PGM5: variants seen among roughly 807,000 people sequenced by gnomAD.
PGM5 encodes the protein phosphoglucomutase-like protein 5.
Under a neutral mutation model 59.2 loss-of-function variants are expected in PGM5, and 23 were observed. That is an observed-to-expected ratio of 0.39 (90% CI 0.28 to 0.55). The LOEUF is 0.55. PGM5 is among the 20% of genes least tolerant of loss of function. The pLI is 0.66. For synonymous variants in PGM5, 214 were observed against 286.0 expected, an observed-to-expected ratio of 0.75 and a Z score of 2.54; for missense variants, 574 against 748.3, an observed-to-expected ratio of 0.77 and a Z score of 2.72.
chr9:68,441,379 A>G (rs782613043), intron 6 of PGM5, among the ~76,000 whole-genome samples: 10 of 152,168 alleles, frequency 6.6e-5, no homozygotes, highest in Admixed American at 2.0e-4. Context: ...TGTAAAAATC[A>G]TTAACAAAAT....
At chr9:68,405,389 G>T (rs1822778175) in intron 6 of PGM5, 1 of 152,678 alleles carries the variant, frequency 6.5e-6, no homozygotes, top group African/African-American at 2.4e-5. Context: ...ATGGCAAAGG[G>T]GTATGATCTA....
At chr9:68,434,776 A>G (rs1823419276) in intron 6 of PGM5, among the ~76,000 whole-genome samples, 1 of 151,716 alleles carries the variant, frequency 6.6e-6, no homozygotes, top group Non-Finnish European at 1.5e-5. Flanking sequence ...AGAGACAGCA[A>G]GACTCCATCT....
chr9:68,410,470 GTTAA>G (rs1193869989), intron 6 of PGM5, among the ~76,000 whole-genome samples: 1 of 152,000 alleles, frequency 6.6e-6, no homozygotes, highest in African/African-American at 2.4e-5. Context: ...ATATTTGATC[GTTAA>G]TTTTTTTCTT....
chr9:68,393,608 T>C (rs192802075), intron 6 of PGM5, among the ~76,000 whole-genome samples: 1 of 152,126 alleles, frequency 6.6e-6, no homozygotes, highest in Non-Finnish European at 1.5e-5. Context: ...ATCAACCAGG[T>C]GTAGTGGCAT....
At chr9:68,518,165 T>C (rs1824850040) in intron 10 of PGM5, among the ~76,000 whole-genome samples, 1 of 152,216 alleles carries the variant, frequency 6.6e-6, no homozygotes, top group African/African-American at 2.4e-5. Context: ...AGATCCTGGC[T>C]TAACAATCCC....
intron 6 of PGM5, among the ~76,000 whole-genome samples, chr9:68,394,703 C>T (rs1554679819): frequency 6.6e-6 from 1 of 151,550 alleles, no homozygotes; most frequent in East Asian, 1.9e-4. Context: ...TCACTGTAAC[C>T]TTCAACTGCT....
chr9:68,366,014 ACAATC>A (rs1357825994), intron 1 of PGM5, among the ~76,000 whole-genome samples: 1 of 152,226 alleles, frequency 6.6e-6, no homozygotes, highest in Non-Finnish European at 1.5e-5. Flanking sequence ...ATAAATTAAA[ACAATC>A]CATCAACTTG....
At chr9:68,494,323 T>C (rs545819483) in intron 9 of PGM5, among the ~76,000 whole-genome samples, 2 of 152,308 alleles carry the variant, frequency 1.3e-5, no homozygotes, top group Admixed American at 6.5e-5. Context: ...GAAGTTGTTT[T>C]ATTAGCCTCA....
intron 6 of PGM5, among the ~76,000 whole-genome samples, chr9:68,430,199 A>T (rs1823319497): frequency 1.3e-5 from 2 of 152,258 alleles, no homozygotes; most frequent in Admixed American, 1.3e-4. Context: ...TTTGAAATTT[A>T]ACAATGGGAT....
intron 9 of PGM5, among the ~76,000 whole-genome samples, chr9:68,488,794 C>T (rs1333247768): frequency 6.6e-6 from 1 of 152,182 alleles, no homozygotes; most frequent in Admixed American, 6.5e-5. Flanking sequence ...GGATATGTCA[C>T]TATTTTCAAG....
intron 1 of PGM5, chr9:68,357,739 C>G (rs1371792544): frequency 3.1e-6 from 1 of 321,492 alleles, no homozygotes; most frequent in Admixed American, 4.8e-5. Flanking sequence ...CTGTAGATTC[C>G]AAGGCAGCTC....
chr9:68,441,719 T>C (rs906442216), intron 6 of PGM5, among the ~76,000 whole-genome samples: 2 of 152,182 alleles, frequency 1.3e-5, no homozygotes, highest in African/African-American at 4.8e-5. Flanking sequence ...TTCACCACTG[T>C]TATTCAATAT....
chr9:68,462,362 C>G (rs1418042236), intron 6 of PGM5, among the ~76,000 whole-genome samples: 1 of 152,126 alleles, frequency 6.6e-6, no homozygotes, highest in Non-Finnish European at 1.5e-5. Flanking sequence ...CTGCTGAATG[C>G]TGTGTTTGGG....
At chr9:68,391,403 A>G (rs1822360313) in intron 4 of PGM5, 131 bp from the exon 5 acceptor site, 2 of 720,554 alleles carry the variant, frequency 2.8e-6, no homozygotes, top group Non-Finnish European at 2.3e-6. Flanking sequence ...TCTATATTGT[A>G]TCTTTAAAAC....
chr9:68,468,344 G>T (rs368084203), intron 7 of PGM5, among the ~76,000 whole-genome samples: 1 of 152,054 alleles, frequency 6.6e-6, no homozygotes, highest in South Asian at 2.1e-4. Flanking sequence ...CAATAATTCT[G>T]CCACTAGTTA....
chr9:68,515,504 A>C (rs1252345991), intron 10 of PGM5, among the ~76,000 whole-genome samples: 1 of 152,206 alleles, frequency 6.6e-6, no homozygotes, highest in Non-Finnish European at 1.5e-5. Context: ...TGTGTTCCAA[A>C]AGCTATGATG....
At position 68,465,081 on chromosome 9, in the gene PGM5, T is replaced by C; in HGVS notation, c.1044-12T>C. ...ATATATGAATTGACTTTTCTCAAAT[T>C]TCATTTTTCAGAGTGGCCAAATCAA... On this transcript the variant is annotated splice_polypyrimidine_tract_variant and intron_variant, in intron 6 of 10. Transcript: ENST00000396396. The C allele has an allele frequency of 6.5e-7, 1 of 1,539,382 alleles. No individual in the cohort carries two copies. Among genetic ancestry groups the C allele is most frequent in the South Asian group, 1.1e-5 (1 of 87,024 alleles).
At chr9:68,384,570 G>A (rs1822167264) in intron 3 of PGM5, 26 bp downstream of exon 3, 1 of 1,562,540 alleles carries the variant, frequency 6.4e-7, no homozygotes, top group Admixed American at 1.7e-5. Context: ...TTTTGAAGAA[G>A]TCAGAGTAAC....
chr9:68,466,129 T>G, intron 7 of PGM5: 1 of 1,296,710 alleles, frequency 7.7e-7, no homozygotes, highest in Non-Finnish European at 1.0e-6. Flanking sequence ...TTTTTCTGAT[T>G]TATTTCTCCC....
Sources: allele counts gnomAD v4.1 joint callset (sites outside exome capture counted in the v4.1 genomes callset), GRCh38; gene constraint gnomAD v4.1.1; transcripts MANE v1.5; gene names NCBI Gene and HGNC (gene_info 2026-07-23, HGNC 2026-07-21).